Variants in HOMER2 observed in about 807,000 individuals in gnomAD.
HOMER2 encodes the protein homer scaffold protein 2.
A neutral mutation model predicts 47.0 loss-of-function variants in HOMER2; 27 were observed. The observed-to-expected ratio is 0.57, with a 90% CI of 0.42 to 0.79. The LOEUF is 0.79. HOMER2 is among the 30% of genes least tolerant of loss of function. HOMER2 has a pLI of 0.00. For synonymous variants in HOMER2, 161 were observed against 163.8 expected, an observed-to-expected ratio of 0.98 and a Z score of 0.13; for missense variants, 443 against 435.0, an observed-to-expected ratio of 1.02 and a Z score of -0.16.
chr15:82,976,945 G>A (rs1175419148), intron 1 of HOMER2, among the ~76,000 whole-genome samples: 1 of 151,740 alleles, frequency 6.6e-6, no homozygotes, highest in Non-Finnish European at 1.5e-5. Context: ...CAAAGTGCTG[G>A]GATTACAGGC....
rs186425946 is a variant in HOMER2, at chr15:82,968,541, A to C, written n.83-9233T>G. On this transcript the variant is annotated intron_variant and non_coding_transcript_variant, in intron 1 of 1. Transcript: ENST00000500334. ...GCAACACAGTTCCCTATCCAGAGGC[A>C]TCTTTCCAGAAATTAAAAATTCCTC... Among the ~76,000 whole-genome samples, 100 of 152,348 alleles carry C rather than the reference A, an allele frequency of 6.6e-4. 1 individual carries two copies. The highest frequency in any genetic ancestry group is 1.2e-3 in the Non-Finnish European group (81 of 68,032).
At chr15:82,949,413 G>C (rs2054456206) in intron 1 of HOMER2, among the ~76,000 whole-genome samples, 1 of 152,160 alleles carries the variant, frequency 6.6e-6, no homozygotes, top group Non-Finnish European at 1.5e-5. Context: ...GAGGAGCTGA[G>C]AGGGGTGTTG....
Position 82,856,311 on chromosome 15 carries a change from A to G in HOMER2, c.495-1511T>C, listed in dbSNP as rs968728048. On this transcript the variant is annotated intron_variant, in intron 5 of 8. Coordinates refer to ENST00000450735, the MANE Select transcript of HOMER2 (RefSeq NM_004839.4). ...CACCCAGGCAGCCCACTGTGACTTA[A>G]ACAACCAAAAACAGCTCTCAGTTGG... Among the ~76,000 whole-genome samples, 3 of 152,120 alleles carry G rather than the reference A, an allele frequency of 2.0e-5. No homozygotes were observed. The East Asian group carries it at 5.8e-4, about 29-fold the overall frequency.
At chr15:82,901,367 G>C (rs2053111590) in intron 1 of HOMER2, among the ~76,000 whole-genome samples, 1 of 152,242 alleles carries the variant, frequency 6.6e-6, no homozygotes, top group Middle Eastern at 3.4e-3. Flanking sequence ...ACGGCGGCAG[G>C]GATGAGTGAA....
At chr15:82,860,125 G>A (rs1267584101) in intron 4 of HOMER2, among the ~76,000 whole-genome samples, 2 of 152,130 alleles carry the variant, frequency 1.3e-5, no homozygotes, top group Non-Finnish European at 2.9e-5. Flanking sequence ...GCATGCACCT[G>A]TAATCACAGC....
intron 1 of HOMER2, among the ~76,000 whole-genome samples, chr15:82,908,243 A>G (rs2053345837): frequency 6.6e-6 from 1 of 152,252 alleles, no homozygotes; most frequent in African/African-American, 2.4e-5. Context: ...GTATTTATAC[A>G]TTCATTGTAT....
In HOMER2 at chr15:82,849,747, G is replaced by T; in HGVS notation, c.1000C>A (p.Arg334=). 1 of 1,613,816 alleles carries T rather than the reference G, an allele frequency of 6.2e-7. No homozygotes were observed. ...TCGGTGCCCAGCTTGGAGAGCCCTC[G>T]GCGGAAGTCATGCAGGTCGTCAATC... The part of the protein sequence containing the change: ...GKIDDLHDFR[R]GLSKLGTDN The change falls in exon 9 of 9, where the codon CGA becomes AGA. Residue 334 remains arginine, a synonymous_variant. Transcript: ENST00000450735.
downstream of HOMER2, chr15:82,846,018 C>G (rs901349679): frequency 3.3e-5 from 5 of 152,258 alleles, no homozygotes; most frequent in Non-Finnish European, 7.3e-5. Context: ...GGCTGGAGAC[C>G]AACTGCCCTC....
intron 5 of HOMER2, among the ~76,000 whole-genome samples, chr15:82,857,175 GATCCAGGTCTTT>G (rs1025815813): frequency 1.3e-5 from 2 of 152,168 alleles, no homozygotes; most frequent in Middle Eastern, 3.4e-3. Flanking sequence ...TTATGAATGG[GATCCAGGTCTTT>G]ACAAGAGTCC....
chr15:82,850,097 G>A (rs2051342898), intron 8 of HOMER2, among the ~76,000 whole-genome samples, 194 bp from the exon 9 acceptor site: 1 of 152,198 alleles, frequency 6.6e-6, no homozygotes, highest in Admixed American at 6.5e-5. Flanking sequence ...AGGCACTTCA[G>A]TGACCTCCTC....
intron 1 of HOMER2, among the ~76,000 whole-genome samples, chr15:82,942,461 C>T (rs2054285621): frequency 6.6e-6 from 1 of 152,220 alleles, no homozygotes; most frequent in African/African-American, 2.4e-5. Flanking sequence ...GGTACAACAT[C>T]CTCCAATGCC....
At chr15:82,882,808 C>A (rs2052566543) in intron 2 of HOMER2, among the ~76,000 whole-genome samples, 16 of 151,038 alleles carry the variant, frequency 1.1e-4, no homozygotes, top group Admixed American at 1.1e-3. Context: ...TGGCTGCCCA[C>A]AGTTTACACA....
chr15:82,958,434 A>C (rs1322160941), exon 2 of HOMER2: 1 of 152,304 alleles, frequency 6.6e-6, no homozygotes, highest in Non-Finnish European at 1.5e-5. Context: ...GCCAGGAACA[A>C]GAGGTAAGTT....
intron 3 of HOMER2, 80 bp from the exon 4 acceptor site, chr15:82,864,339 G>A (rs1290957616): frequency 1.1e-6 from 1 of 928,628 alleles, no homozygotes. Context: ...TATTTATTTT[G>A]CATCCATTTT....
chr15:82,953,837 C>T (rs2054556005), upstream of HOMER2, among the ~76,000 whole-genome samples: 2 of 152,110 alleles, frequency 1.3e-5, no homozygotes, highest in South Asian at 2.1e-4. Flanking sequence ...GAGCCGAGAT[C>T]GCACCACTGC....
chr15:82,848,616 C>G (rs745606595), downstream of HOMER2, among the ~76,000 whole-genome samples: 5 of 152,208 alleles, frequency 3.3e-5, no homozygotes, highest in South Asian at 6.2e-4. Context: ...CTCTCTCCCC[C>G]CGAAATGCCT....
intron 1 of HOMER2, among the ~76,000 whole-genome samples, chr15:82,931,102 C>CAA (rs959127209): frequency 3.1e-5 from 4 of 127,616 alleles, no homozygotes; most frequent in African/African-American, 5.6e-5. Context: ...GACACTGTAT[C>CAA]AAAAAAAAAA....
At chr15:82,851,971 G>A (rs536986040) in intron 7 of HOMER2, among the ~76,000 whole-genome samples, 171 bp downstream of exon 7, 1 of 152,296 alleles carries the variant, frequency 6.6e-6, no homozygotes, top group South Asian at 2.1e-4. Flanking sequence ...GAGGTCATGG[G>A]GAGGCCTTTG....
At chr15:82,958,260 G>A (rs887531324) in exon 2 of HOMER2, 1 of 152,254 alleles carries the variant, frequency 6.6e-6, no homozygotes, top group Non-Finnish European at 1.5e-5. Flanking sequence ...TTCAAAAAGG[G>A]GATGTGTGAG....
Sources: gnomAD v4.1 joint callset for allele counts (sites outside exome capture counted in the v4.1 genomes callset) on GRCh38, gnomAD v4.1.1 for gene constraint, MANE v1.5 for transcripts, NCBI Gene and HGNC (gene_info 2026-07-23, HGNC 2026-07-21) for gene names.